The following SPOCK3 variants were observed in gnomAD, a reference collection of about 807,000 sequenced individuals.
The protein encoded by SPOCK3 is SPARC (osteonectin), cwcv and kazal like domains proteoglycan 3.
In SPOCK3, 30 loss-of-function variants were observed where a neutral mutation model predicts 56.6. That is an observed-to-expected ratio of 0.53 (90% CI 0.40 to 0.72). SPOCK3 has a LOEUF of 0.72. Ranked by LOEUF, SPOCK3 falls within the 30% of genes least tolerant of loss-of-function variation. The pLI is 0.00. For missense variants in SPOCK3, 527 were observed against 530.0 expected (o/e 0.99, Z 0.06); for synonymous variants, 196 against 183.3 (o/e 1.07, Z -0.56).
At chr4:167,127,851 C>T (rs1019408812) in intron 2 of SPOCK3, among the ~76,000 whole-genome samples, 1 of 152,202 alleles carries the variant, frequency 6.6e-6, no homozygotes, top group Non-Finnish European at 1.5e-5. Context: ...CTTCTTCAAA[C>T]TTTGGTTTCC....
At chr4:166,902,671 C>T (rs537735718) in intron 5 of SPOCK3, among the ~76,000 whole-genome samples, 90 of 151,424 alleles carry the variant, frequency 5.9e-4, no homozygotes, top group African/African-American at 1.9e-3. Context: ...TTCTATGTTA[C>T]GTACATAATA....
intron 2 of SPOCK3, among the ~76,000 whole-genome samples, chr4:167,189,909 A>G (rs539441469): frequency 6.8e-6 from 1 of 146,076 alleles, no homozygotes; most frequent in Admixed American, 7.0e-5. Flanking sequence ...TACTTTACTT[A>G]GTATAGGTGA....
intron 6 of SPOCK3, among the ~76,000 whole-genome samples, chr4:166,886,717 T>C (rs190393030): frequency 3.4e-4 from 52 of 152,282 alleles, no homozygotes; most frequent in African/African-American, 1.2e-3. Context: ...AATATCTCAT[T>C]GTTGGTAGTT....
At chr4:166,960,363 A>G (rs1330952656) in intron 4 of SPOCK3, among the ~76,000 whole-genome samples, 1 of 152,196 alleles carries the variant, frequency 6.6e-6, no homozygotes, top group Non-Finnish European at 1.5e-5. Flanking sequence ...AATATAGAAG[A>G]AGGAGAAATA....
intron 3 of SPOCK3, among the ~76,000 whole-genome samples, chr4:167,032,050 C>A (rs1354834594): frequency 6.6e-6 from 1 of 150,992 alleles, no homozygotes; most frequent in Non-Finnish European, 1.5e-5. Flanking sequence ...GCAAGTACAC[C>A]TACTTCAACA....
At chr4:166,898,358 C>A (rs900243179) in intron 5 of SPOCK3, among the ~76,000 whole-genome samples, 1 of 151,954 alleles carries the variant, frequency 6.6e-6, no homozygotes, top group East Asian at 1.9e-4. Flanking sequence ...CCAAGTGAGA[C>A]AGAAGGCCCA....
intron 2 of SPOCK3, among the ~76,000 whole-genome samples, chr4:167,144,846 G>T (rs1261559670): frequency 6.6e-6 from 1 of 151,880 alleles, no homozygotes; most frequent in Non-Finnish European, 1.5e-5. Context: ...TCAGAGTTAA[G>T]CAGAAAGCCA....
At chr4:167,040,741 T>C (rs1218904802) in intron 3 of SPOCK3, among the ~76,000 whole-genome samples, 1 of 152,168 alleles carries the variant, frequency 6.6e-6, no homozygotes, top group East Asian at 1.9e-4. Flanking sequence ...AACATGTCAA[T>C]ATTTACATTC....
At chr4:167,177,813 G>A (rs1561295241) in intron 2 of SPOCK3, among the ~76,000 whole-genome samples, 3 of 152,100 alleles carry the variant, frequency 2.0e-5, no homozygotes, top group Non-Finnish European at 4.4e-5. Flanking sequence ...GTCTGATGTT[G>A]ATGTTCTGTG....
chr4:166,833,502 G>C (rs1420775400), intron 6 of SPOCK3, among the ~76,000 whole-genome samples: 1 of 152,028 alleles, frequency 6.6e-6, no homozygotes, highest in African/African-American at 2.4e-5. Flanking sequence ...ATCGGTTTTT[G>C]GTTCGTGTGC....
intron 6 of SPOCK3, among the ~76,000 whole-genome samples, chr4:166,884,391 C>T (rs1733984602): frequency 6.6e-6 from 1 of 151,508 alleles, no homozygotes; most frequent in Non-Finnish European, 1.5e-5. Flanking sequence ...AAAAAATGAC[C>T]GATAATAACT....
intron 2 of SPOCK3, among the ~76,000 whole-genome samples, chr4:167,076,357 T>C (rs910563756): frequency 2.3e-4 from 35 of 151,812 alleles, no homozygotes; most frequent in Non-Finnish European, 1.8e-4. Flanking sequence ...ATCACTCTGG[T>C]AGGGATGTTG....
chr4:167,094,142 C>T (rs1011632169), intron 2 of SPOCK3, among the ~76,000 whole-genome samples: 1 of 151,736 alleles, frequency 6.6e-6, no homozygotes, highest in Non-Finnish European at 1.5e-5. Flanking sequence ...ATACATGTGA[C>T]AATACATGTG....
intron 2 of SPOCK3, among the ~76,000 whole-genome samples, chr4:167,212,983 C>T (rs543591618): frequency 2.6e-5 from 4 of 152,120 alleles, no homozygotes; most frequent in Non-Finnish European, 5.9e-5. Context: ...TACCTTAGAA[C>T]ATTTGGTTTG....
intron 3 of SPOCK3, among the ~76,000 whole-genome samples, chr4:167,051,964 G>A (rs943165424): frequency 6.6e-6 from 1 of 152,088 alleles, no homozygotes; most frequent in African/African-American, 2.4e-5. Flanking sequence ...AACATATAAG[G>A]AAACGGAAAA....
intron 2 of SPOCK3, among the ~76,000 whole-genome samples, chr4:167,193,186 AC>A (rs916938819): frequency 6.9e-6 from 1 of 145,082 alleles, no homozygotes; most frequent in Non-Finnish European, 1.5e-5. Flanking sequence ...GTTCTATAGT[AC>A]CTTTGTCCCT....
chr4:166,738,917 C>T (rs1449439677), intron 9 of SPOCK3, among the ~76,000 whole-genome samples: 2 of 151,940 alleles, frequency 1.3e-5, no homozygotes, highest in Admixed American at 1.3e-4. Context: ...GTAAATAGTG[C>T]CACAATAAAT....
chr4:166,876,617 G>A (rs1733112775), intron 6 of SPOCK3, among the ~76,000 whole-genome samples: 1 of 151,978 alleles, frequency 6.6e-6, no homozygotes, highest in Non-Finnish European at 1.5e-5. Context: ...ATTTTATAGT[G>A]GTGATGAACA....
intron 3 of SPOCK3, among the ~76,000 whole-genome samples, chr4:167,001,846 T>A (rs1461155671): frequency 6.6e-6 from 1 of 152,202 alleles, no homozygotes; most frequent in East Asian, 1.9e-4. Context: ...AAATAAAATG[T>A]GGATTTGAGA....
Sources: allele counts gnomAD v4.1 joint callset (sites outside exome capture counted in the v4.1 genomes callset), GRCh38; gene constraint gnomAD v4.1.1; transcripts MANE v1.5; gene names NCBI Gene and HGNC (gene_info 2026-07-23, HGNC 2026-07-21).